Variants in FOXN1 observed in about 807,000 individuals in gnomAD.
FOXN1 encodes the protein forkhead box protein N1.
Under a neutral mutation model 49.0 loss-of-function variants are expected in FOXN1, and 15 were observed. That is an observed-to-expected ratio of 0.31 (90% CI 0.20 to 0.47). FOXN1 has a LOEUF of 0.47. Among genes scored for constraint, FOXN1 ranks in the 20% least tolerant of loss-of-function variants. The pLI is 1.00. For synonymous variants in FOXN1, 356 were observed against 369.0 expected, an observed-to-expected ratio of 0.96 and a Z score of 0.40; for missense variants, 800 against 842.8, an observed-to-expected ratio of 0.95 and a Z score of 0.63.
At chr17:28,513,042 C>T (rs2069425304) in intron 1 of FOXN1, among the ~76,000 whole-genome samples, 1 of 152,182 alleles carries the variant, frequency 6.6e-6, no homozygotes, top group Non-Finnish European at 1.5e-5. Context: ...CCAAACACCC[C>T]TTTCTTTCCA....
In FOXN1 at chr17:28,535,155, C is replaced by T. The variant is rs2070030380; in HGVS notation, c.1584C>T (p.Asp528=). 6.2e-7 allele frequency: 1 copy of T among 1,613,238 alleles called. No homozygotes were observed. Among genetic ancestry groups the T allele is most frequent in the Non-Finnish European group, 8.5e-7 (1 of 1,179,698 alleles). Residue 528 remains aspartate, a synonymous_variant, in exon 8 of 9, where the codon GAC becomes GAT. Transcript: ENST00000579795. ...TLLPDGDLGT[D]LDAINPSLTD... is the part of the protein sequence containing the mutation. Reference sequence around the variant, plus strand: ...TGCCAGATGGAGACCTTGGCACTGACCTGGATGCCATCAATCCCTCACTCA... The same window carrying T: ...TGCCAGATGGAGACCTTGGCACTGATCTGGATGCCATCAATCCCTCACTCA...
rs2151492087 is a variant in FOXN1 at position 28,529,215 on chromosome 17, AT to A, written c.823del (p.Ser275ProfsTer27). 1 of 1,614,108 alleles carries A rather than the reference AT, an allele frequency of 6.2e-7. No homozygotes were observed. The highest frequency in any genetic ancestry group is 8.5e-7 in the Non-Finnish European group (1 of 1,180,000). On this transcript the variant is annotated frameshift_variant, in exon 5 of 9. Transcript: ENST00000579795. LOFTEE classifies it high-confidence loss of function. ...GHQPLFPKPI[Y>X]SYSILIFMAL... ...CAGCCTCTCTTCCCAAAACCCATCT[AT>A]TCCTACAGGTACATTTCCCACTCTC...
chr17:28,508,624 G>A (rs1342459293), intron 1 of FOXN1, among the ~76,000 whole-genome samples: 1 of 152,162 alleles, frequency 6.6e-6, no homozygotes, highest in Non-Finnish European at 1.5e-5. Flanking sequence ...CAGGGCCCAG[G>A]CACATAGGCA....
intron 3 of FOXN1, among the ~76,000 whole-genome samples, chr17:28,526,051 C>G (rs2069759230): frequency 6.6e-6 from 1 of 152,202 alleles, no homozygotes; most frequent in South Asian, 2.1e-4. Context: ...GATGAGGAAA[C>G]TGAGGCTCAT....
chr17:28,523,428 G>T (rs2069681874), intron 1 of FOXN1, among the ~76,000 whole-genome samples: 1 of 144,412 alleles, frequency 6.9e-6, no homozygotes, highest in Non-Finnish European at 1.5e-5. Context: ...CTCTGCTGAG[G>T]GCTGGCTCAC....
chr17:28,536,090 C>G (rs986657622), intron 8 of FOXN1, among the ~76,000 whole-genome samples: 1 of 152,056 alleles, frequency 6.6e-6, no homozygotes, highest in Non-Finnish European at 1.5e-5. Context: ...AGGTTTGGAA[C>G]GGGGTGACGA....
chr17:28,514,948 C>T (rs116557978), intron 1 of FOXN1, among the ~76,000 whole-genome samples: 2,766 of 152,208 alleles, frequency 0.018, 85 homozygotes, highest in African/African-American at 0.062. Flanking sequence ...GGCCGTGTAG[C>T]GTAATGGTTC....
chr17:28,509,989 C>T (rs1225178934), intron 1 of FOXN1, among the ~76,000 whole-genome samples: 1 of 152,172 alleles, frequency 6.6e-6, no homozygotes, highest in African/African-American at 2.4e-5. Context: ...GAATCGTGAT[C>T]TCTTGGGGAA....
At chr17:28,521,636 G>A (rs1342055563) in intron 1 of FOXN1, among the ~76,000 whole-genome samples, 1 of 152,226 alleles carries the variant, frequency 6.6e-6, no homozygotes, top group Non-Finnish European at 1.5e-5. Context: ...ACATCAAGAA[G>A]GGGTGGTGGG....
At chr17:28,511,546 C>T (rs1555606997) in intron 1 of FOXN1, among the ~76,000 whole-genome samples, 2 of 152,116 alleles carry the variant, frequency 1.3e-5, no homozygotes, top group African/African-American at 2.4e-5. Flanking sequence ...TGAAATCCTA[C>T]AGGCCTGGGA....
At chr17:28,536,012 C>A (rs1194711889) in intron 8 of FOXN1, among the ~76,000 whole-genome samples, 1 of 152,214 alleles carries the variant, frequency 6.6e-6, no homozygotes. Context: ...TCCGTCTCTG[C>A]AGATGGCTAA....
chr17:28,517,972 C>T (rs1387471170), intron 1 of FOXN1, among the ~76,000 whole-genome samples: 1 of 149,954 alleles, frequency 6.7e-6, no homozygotes, highest in Non-Finnish European at 1.5e-5. Context: ...AGGGTACATG[C>T]CTCCACTGGG....
chr17:28,524,808 C>T lies in FOXN1; in HGVS notation c.429C>T (p.Ala143=). 1 of 1,613,808 alleles carries T rather than the reference C, an allele frequency of 6.2e-7. No individual in the cohort carries two copies. Among genetic ancestry groups the T allele is most frequent in the Non-Finnish European group, 8.5e-7 (1 of 1,180,018 alleles). ...TCCCAGAGGCCGAGACCACCCTGGC[C>T]CTCAAAGGACACTCCTTTAAGACCC... The part of the protein sequence containing the change: ...DVFPEAETTL[A]LKGHSFKTPG... The change falls in exon 3 of 9, where the codon GCC becomes GCT. Residue 143 remains alanine (A), a synonymous_variant. Transcript: ENST00000579795.
At chr17:28,533,870 G>A (rs1368493792) in intron 6 of FOXN1, among the ~76,000 whole-genome samples, 1 of 152,166 alleles carries the variant, frequency 6.6e-6, no homozygotes, top group Non-Finnish European at 1.5e-5. Flanking sequence ...ACCCAGGAGA[G>A]GAGCATTCTT....
chr17:28,537,246 G>A lies in FOXN1; in HGVS notation c.1757G>A (p.Cys586Tyr), dbSNP rs73278523. ...PPPHCFPPGP[C>Y]LTETGSGAGD... Reference sequence around the variant, plus strand: ...CCTCACTGCTTCCCCCCTGGGCCCTGTCTGACAGAGACAGGCAGTGGGGCA... The same window carrying A: ...CCTCACTGCTTCCCCCCTGGGCCCTATCTGACAGAGACAGGCAGTGGGGCA... The change falls in exon 9 of 9, where the codon TGT becomes TAT. Residue 586 changes from cysteine (C) to tyrosine (Y), a missense_variant. By Grantham distance (194) the Cys-to-Tyr change is radical. Around this residue, in one of 3 missense-constraint regions of FOXN1, gnomAD observed 344 missense variants for 366.1 expected, o/e 0.94. Transcript: ENST00000579795. 354 of 1,614,066 alleles carry A rather than the reference G, an allele frequency of 2.2e-4. No homozygotes were observed. In the African/African-American group the frequency reaches 4.2e-3, roughly 19 times the overall value.
chr17:28,529,005 CTTCTCTGGATGT>C lies in FOXN1; in HGVS notation c.700-88_700-77del, dbSNP rs1308796999. On this transcript the variant is annotated intron_variant, in intron 4 of 8. Coordinates refer to ENST00000579795, the MANE Select transcript of FOXN1 (RefSeq NM_001369369.1). Reference sequence around the variant, plus strand: ...GGAGGGAAGAATCTGGCCTGAGCCCCTTCTCTGGATGTATATAAATGGGGAGGAGGGCCCTCC... The same window carrying C: ...GGAGGGAAGAATCTGGCCTGAGCCCCATATAAATGGGGAGGAGGGCCCTCC... The C allele has an allele frequency of 4.9e-5, 77 of 1,561,058 alleles. No homozygotes were observed. The Admixed American group carries it at 1.2e-3, about 24-fold the overall frequency.
chr17:28,536,046 C>A (rs1306265525), intron 8 of FOXN1, among the ~76,000 whole-genome samples: 1 of 152,152 alleles, frequency 6.6e-6, no homozygotes, highest in Non-Finnish European at 1.5e-5. Flanking sequence ...CGTCTAAATT[C>A]CAGTGCATCC....
Position 28,534,954 on chromosome 17 carries a change from C to T in FOXN1, c.1383C>T (p.Gly461=), listed in dbSNP as rs775356281. ...AGACATACTTGCACCTCTCACCAGG[C>T]CTGGCCCCTCCTGGACCCCCGCAGC... ...YGQTYLHLSP[G]LAPPGPPQPL... is the part of the protein sequence containing the mutation. Residue 461 remains glycine (G), a synonymous_variant, in exon 8 of 9, where the codon GGC becomes GGT. Transcript: ENST00000579795. The surrounding 1 kb of genome is among the most constrained non-coding windows in gnomAD (Gnocchi z 4.1). The T allele has an allele frequency of 3.1e-6, 5 of 1,614,078 alleles. No homozygotes were observed. The highest frequency in any genetic ancestry group is 4.2e-6 in the Non-Finnish European group (5 of 1,179,994).
intron 1 of FOXN1, among the ~76,000 whole-genome samples, 191 bp from the exon 2 acceptor site, chr17:28,523,765 T>C (rs973805363): frequency 6.6e-6 from 1 of 151,480 alleles, no homozygotes; most frequent in African/African-American, 2.4e-5. Flanking sequence ...TTCCAAACTA[T>C]TTCTCTTTCT....
Sources: gnomAD v4.1 joint callset for allele counts (sites outside exome capture counted in the v4.1 genomes callset) on GRCh38, gnomAD v4.1.1 for gene constraint, gnomAD v4.1.1 regional missense constraint, Gnocchi (gnomAD v3.1) non-coding constraint, MANE v1.5 for transcripts, NCBI Gene and HGNC (gene_info 2026-07-23, HGNC 2026-07-21) for gene names.